KATNIP: variants seen among roughly 807,000 people sequenced by gnomAD.
KATNIP encodes katanin interacting protein, also known as katanin-interacting protein.
A neutral mutation model predicts 174.0 loss-of-function variants in KATNIP; 126 were observed. The ratio of observed to expected loss-of-function variants is 0.72; its 90% CI spans 0.63 to 0.84. The LOEUF is 0.84. Among genes scored for constraint, KATNIP ranks in the 40% least tolerant of loss-of-function variants. The pLI is 0.00. For missense variants in KATNIP, 1,958 were observed against 2,109.7 expected (o/e 0.93, Z 1.41); for synonymous variants, 810 against 835.7 (o/e 0.97, Z 0.53).
At chr16:27,683,416 G>C (rs943112965) in intron 8 of KATNIP, among the ~76,000 whole-genome samples, 1 of 152,194 alleles carries the variant, frequency 6.6e-6, no homozygotes, top group African/African-American at 2.4e-5. Context: ...GTGGGGCAGA[G>C]CTATCCCCAA....
rs769549200 is a variant in KATNIP at position 27,703,909 on chromosome 16, C to T, written c.1300C>T (p.Leu434Phe). 2.5e-6 allele frequency: 4 copies of T among 1,614,128 alleles called. No homozygotes were observed. The South Asian group carries it at 4.4e-5, about 18-fold the overall frequency. Residue 434 changes from leucine to phenylalanine, a missense_variant, in exon 12 of 28, where the codon CTT becomes TTT. Around this residue, in one of 3 missense-constraint regions of KATNIP, gnomAD observed 1,557 missense variants for 1,617.8 expected, o/e 0.96. Coordinates refer to ENST00000261588, the MANE Select transcript of KATNIP (RefSeq NM_015202.5). ...GLLGSRQQQK[L>F]LKVLQAVESD... The stretch of plus-strand genomic sequence containing the variant: ...ATCCCATTTCAGACAACAGCAGAAG[C>T]TTCTGAAAGTCCTCCAGGCCGTCGA...
chr16:27,698,470 A>AAAGGCC lies in KATNIP; in HGVS notation c.1084_1089dup (p.Lys362_Ala363dup), dbSNP rs769490670. 2.3e-5 allele frequency: 37 copies of AAAGGCC among 1,611,324 alleles called. No homozygotes were observed. Among genetic ancestry groups the AAAGGCC allele is most frequent in the Non-Finnish European group, 2.8e-5 (33 of 1,178,810 alleles). On this transcript the variant is annotated inframe_insertion, in exon 9 of 28. Coordinates refer to ENST00000261588, the MANE Select transcript of KATNIP (RefSeq NM_015202.5). The stretch of plus-strand genomic sequence containing the variant: ...CCCTGCAGAGGGCGCTCCTCAGCAG[A>AAAGGCC]AAGGCCGAGCAGCCAGCCAGCCCAC...
chr16:27,624,690 CG>C (rs1271410074), intron 3 of KATNIP, among the ~76,000 whole-genome samples: 2 of 151,920 alleles, frequency 1.3e-5, no homozygotes, highest in Non-Finnish European at 2.9e-5. Context: ...TGTGGTGGCA[CG>C]CACCTGTAGT....
chr16:27,652,805 C>CAAAAAAAAA (rs55843823), intron 6 of KATNIP, among the ~76,000 whole-genome samples: 1 of 120,804 alleles, frequency 8.3e-6, no homozygotes, highest in African/African-American at 3.1e-5. Context: ...AACTCCATCT[C>CAAAAAAAAA]AAAAAAAAAA....
rs2076401010 is a variant in KATNIP at position 27,628,727 on chromosome 16, CTCTG to C, written c.211_214del (p.Val71MetfsTer9). Reference sequence around the variant, plus strand: ...GGCTGGAGCACTTGGAGCAAGGTTTCTCTGTCTATGTCAACGGTGCCAATTCGGA... The same window carrying C: ...GGCTGGAGCACTTGGAGCAAGGTTTCTCTATGTCAACGGTGCCAATTCGGA... On this transcript the variant is annotated frameshift_variant, in exon 4 of 28. Transcript: ENST00000261588. LOFTEE classifies it high-confidence loss of function. 1 of 1,614,216 alleles carries C rather than the reference CTCTG, an allele frequency of 6.2e-7. No individual in the cohort carries two copies. The highest frequency in any genetic ancestry group is 8.5e-7 in the Non-Finnish European group (1 of 1,180,030).
At chr16:27,761,046 C>T (rs866603501) in intron 18 of KATNIP, among the ~76,000 whole-genome samples, 1 of 152,248 alleles carries the variant, frequency 6.6e-6, no homozygotes, top group Middle Eastern at 3.4e-3. Context: ...CCCTGGTGCA[C>T]AGTGAGGTCA....
chr16:27,618,585 C>G (rs1041854182), intron 3 of KATNIP, 84 bp downstream of exon 3: 1 of 937,998 alleles, frequency 1.1e-6, no homozygotes, highest in African/African-American at 1.6e-5. Flanking sequence ...CAGGCCCTGC[C>G]TCACATAGGA....
chr16:27,560,283 GAAAAAA>G (rs765910684), intron 1 of KATNIP, among the ~76,000 whole-genome samples: 3 of 44,988 alleles, frequency 6.7e-5, no homozygotes, highest in African/African-American at 2.2e-4. Context: ...CTCTGTCTCA[GAAAAAA>G]AAAAAAAAAA....
intron 2 of KATNIP, among the ~76,000 whole-genome samples, chr16:27,613,259 G>A (rs1240487330): frequency 6.6e-6 from 1 of 152,208 alleles, no homozygotes; most frequent in African/African-American, 2.4e-5. Context: ...GGGAGGCAGA[G>A]TGAGACCCTG....
At chr16:27,761,996 A>G (rs912715902) in intron 19 of KATNIP, among the ~76,000 whole-genome samples, 5 of 152,150 alleles carry the variant, frequency 3.3e-5, no homozygotes, top group Middle Eastern at 3.4e-3. Context: ...CCCCTCCTTG[A>G]GGTTAGAGGT....
intron 5 of KATNIP, among the ~76,000 whole-genome samples, chr16:27,634,367 G>A (rs1471402210): frequency 1.3e-5 from 2 of 152,188 alleles, no homozygotes; most frequent in South Asian, 2.1e-4. Context: ...GGGTGCTTAC[G>A]AAGTCCTTGG....
At chr16:27,564,249 C>T (rs551913133) in intron 1 of KATNIP, among the ~76,000 whole-genome samples, 2 of 152,250 alleles carry the variant, frequency 1.3e-5, no homozygotes, top group Non-Finnish European at 1.5e-5. Context: ...ATGCAGGGCA[C>T]TGTTCTGAGA....
chr16:27,553,748 A>G (rs567517243), intron 1 of KATNIP, among the ~76,000 whole-genome samples: 16 of 152,182 alleles, frequency 1.1e-4, no homozygotes, highest in Non-Finnish European at 2.2e-4. Context: ...AGGTGTGGGG[A>G]TCACTTGAGC....
chr16:27,642,215 A>G (rs1032350557), intron 5 of KATNIP, among the ~76,000 whole-genome samples: 1 of 152,242 alleles, frequency 6.6e-6, no homozygotes, highest in African/African-American at 2.4e-5. Context: ...TGATGAGTTC[A>G]TGTCCTTTGT....
At position 27,777,743 on chromosome 16, in the gene KATNIP, G is replaced by C. The variant is rs745963939; in HGVS notation, c.4685G>C (p.Arg1562Pro). ...TILFTEDRDI[R>P]HQEKHTTISN... is the part of the protein sequence containing the mutation. ...CTCTTCACCGAGGACAGGGACATCC[G>C]CCACCAGGAGAAACACACCACCATC... Residue 1562 changes from arginine to proline, a missense_variant, in exon 26 of 28, where the codon CGC becomes CCC. Coordinates refer to ENST00000261588, the MANE Select transcript of KATNIP (RefSeq NM_015202.5). This position sits in a 1 kb window ranked among gnomAD's most constrained non-coding sequence, Gnocchi z 4.4. 1 of 1,613,820 alleles carries C rather than the reference G, an allele frequency of 6.2e-7. No individual in the cohort carries two copies. Among genetic ancestry groups the C allele is most frequent in the South Asian group, 1.1e-5 (1 of 91,008 alleles).
chr16:27,749,485 TGCCTCACTGAGA>T, intron 15 of KATNIP, 87 bp from the exon 16 acceptor site: 1 of 1,402,324 alleles, frequency 7.1e-7, no homozygotes. Flanking sequence ...GAGGTGGCCC[TGCCTCACTGAGA>T]GCCACCACAG....
At chr16:27,728,688 C>T (rs1309871075) in intron 14 of KATNIP, among the ~76,000 whole-genome samples, 1 of 152,188 alleles carries the variant, frequency 6.6e-6, no homozygotes, top group African/African-American at 2.4e-5. Context: ...CCTCAGCCTC[C>T]CAAAGTGCTG....
chr16:27,704,503 C>T (rs2079222481), intron 12 of KATNIP, among the ~76,000 whole-genome samples: 1 of 152,178 alleles, frequency 6.6e-6, no homozygotes, highest in Non-Finnish European at 1.5e-5. Flanking sequence ...GCCCCACAAT[C>T]CCACTTCCTT....
At chr16:27,694,631 A>G (rs2142942597) in intron 8 of KATNIP, among the ~76,000 whole-genome samples, 1 of 151,994 alleles carries the variant, frequency 6.6e-6, no homozygotes, top group Non-Finnish European at 1.5e-5. Flanking sequence ...CCCCGTCTCT[A>G]CAAAAAATAC....
Sources: allele counts gnomAD v4.1 joint callset (sites outside exome capture counted in the v4.1 genomes callset), GRCh38; gene constraint gnomAD v4.1.1; regional missense constraint gnomAD v4.1.1; non-coding constraint Gnocchi (gnomAD v3.1); transcripts MANE v1.5; gene names NCBI Gene and HGNC (gene_info 2026-07-23, HGNC 2026-07-21).